CHN1: variants seen among roughly 807,000 people sequenced by gnomAD.
CHN1 encodes N-chimaerin.
Under a neutral mutation model 59.5 loss-of-function variants are expected in CHN1, and 37 were observed. The observed-to-expected ratio is 0.62, with a 90% CI of 0.48 to 0.82. The LOEUF (loss-of-function observed/expected upper bound fraction) is 0.82. Among genes scored for constraint, CHN1 ranks in the 40% least tolerant of loss-of-function variants. The pLI is 0.00. For synonymous variants in CHN1, 206 were observed against 200.4 expected, an observed-to-expected ratio of 1.03 and a Z score of -0.24; for missense variants, 469 against 571.0, an observed-to-expected ratio of 0.82 and a Z score of 1.82.
intron 2 of CHN1, among the ~76,000 whole-genome samples, chr2:174,948,903 T>G (rs1654251281): frequency 6.6e-6 from 1 of 152,208 alleles, no homozygotes; most frequent in Non-Finnish European, 1.5e-5. Flanking sequence ...CATTACAGTT[T>G]GTCGGTCCCA....
chr2:174,854,600 T>C (rs1401131110), intron 6 of CHN1, among the ~76,000 whole-genome samples: 1 of 152,220 alleles, frequency 6.6e-6, no homozygotes, highest in African/African-American at 2.4e-5. Context: ...CTATGGCACC[T>C]CCTTGGTCAA....
chr2:174,910,090 C>T (rs1558977633), intron 5 of CHN1, among the ~76,000 whole-genome samples: 1 of 152,044 alleles, frequency 6.6e-6, no homozygotes, highest in Admixed American at 6.6e-5. Flanking sequence ...AATCTTAATT[C>T]CTTATTCTCT....
chr2:174,973,592 T>A (rs1690827614), intron 1 of CHN1, among the ~76,000 whole-genome samples: 1 of 152,216 alleles, frequency 6.6e-6, no homozygotes, highest in African/African-American at 2.4e-5. Flanking sequence ...ACTTCACTTC[T>A]GGGTGCTCAG....
intron 5 of CHN1, among the ~76,000 whole-genome samples, chr2:174,889,570 G>C (rs974362513): frequency 6.6e-6 from 1 of 151,976 alleles, no homozygotes; most frequent in Non-Finnish European, 1.5e-5. Flanking sequence ...TATAGCTGAA[G>C]AATACAATAA....
chr2:174,914,799 C>T (rs1023756324), intron 5 of CHN1, among the ~76,000 whole-genome samples: 16 of 142,042 alleles, frequency 1.1e-4, no homozygotes, highest in Admixed American at 4.6e-4. Context: ...GAGCCGAGAT[C>T]GTGCCACTGC....
At chr2:174,944,756 A>G (rs1392493668) in intron 3 of CHN1, 132 bp downstream of exon 3, 3 of 615,556 alleles carry the variant, frequency 4.9e-6, no homozygotes, top group Non-Finnish European at 8.5e-6. Flanking sequence ...AAATGTATTC[A>G]AGTTATAATT....
At chr2:174,946,605 G>T (rs531732544) in intron 2 of CHN1, among the ~76,000 whole-genome samples, 1 of 152,028 alleles carries the variant, frequency 6.6e-6, no homozygotes, top group Non-Finnish European at 1.5e-5. Flanking sequence ...TATTGTTACA[G>T]AGATGACAAA....
intron 10 of CHN1, 79 bp from the exon 11 acceptor site, chr2:174,809,121 A>C: frequency 7.9e-7 from 1 of 1,265,488 alleles, no homozygotes; most frequent in Non-Finnish European, 1.1e-6. Flanking sequence ...ATCTGTATAC[A>C]AATCAGATTT....
At chr2:174,817,989 T>C (rs1418634307) in intron 8 of CHN1, among the ~76,000 whole-genome samples, 2 of 152,088 alleles carry the variant, frequency 1.3e-5, no homozygotes, top group African/African-American at 4.8e-5. Flanking sequence ...GCCAGGCTGG[T>C]ATTGAACTCC....
chr2:174,888,626 C>G (rs529268550), intron 5 of CHN1, among the ~76,000 whole-genome samples: 1 of 152,152 alleles, frequency 6.6e-6, no homozygotes, highest in South Asian at 2.1e-4. Flanking sequence ...AATGCAAAGC[C>G]CAGAAGGAGG....
chr2:174,999,169 A>T (rs918553441), intron 1 of CHN1, among the ~76,000 whole-genome samples: 19 of 151,832 alleles, frequency 1.3e-4, no homozygotes, highest in African/African-American at 1.7e-4. Flanking sequence ...TATATTAATT[A>T]AAAAAAATCA....
At chr2:174,904,871 C>G (rs1341268914) in intron 5 of CHN1, among the ~76,000 whole-genome samples, 1 of 152,090 alleles carries the variant, frequency 6.6e-6, no homozygotes, top group Non-Finnish European at 1.5e-5. Context: ...GGTTACAAGA[C>G]AGCAAACCTG....
In CHN1 at chr2:174,801,735, G is replaced by C; in HGVS notation, c.1180C>G (p.Leu394Val). ...TTTAGATGTGCCATGAGGTACCGGA[G>C]GGTTTCGCAGTGAGCAGGTGGCAGT... ...KLLPPAHCET[L>V]RYLMAHLKRV... is the part of the protein sequence containing the mutation. Residue 394 changes from leucine (L) to valine (V), a missense_variant, in exon 12 of 13, where the codon CTC (leucine) becomes GTC (valine). Leu to Val is a conservative substitution (Grantham distance 32, BLOSUM62 1). Transcript: ENST00000409900. The C allele has an allele frequency of 6.2e-7, 1 of 1,613,388 alleles. No individual in the cohort carries two copies. The highest frequency in any genetic ancestry group is 8.5e-7 in the Non-Finnish European group (1 of 1,179,474).
At chr2:174,956,685 C>T (rs1184419411) in intron 1 of CHN1, among the ~76,000 whole-genome samples, 2 of 151,034 alleles carry the variant, frequency 1.3e-5, no homozygotes, top group African/African-American at 4.9e-5. Context: ...GCAGGGAGAA[C>T]TGCTTGAACC....
At position 174,799,994 on chromosome 2, in the gene CHN1, C is replaced by G; in HGVS notation, c.*122G>C. ...ACAAAAACAACAGAAAGTTCCTTCACTTTAATCTGGTTATATGCCCAAACC... is the reference window on the plus strand; with the variant it reads ...ACAAAAACAACAGAAAGTTCCTTCAGTTTAATCTGGTTATATGCCCAAACC... On this transcript the variant is annotated 3_prime_UTR_variant, in exon 13 of 13. Coordinates refer to ENST00000409900, the MANE Select transcript of CHN1 (RefSeq NM_001822.7). The G allele has an allele frequency of 1.0e-6, 1 of 956,530 alleles. No individual in the cohort carries two copies. Among genetic ancestry groups the G allele is most frequent in the Non-Finnish European group, 1.6e-6 (1 of 618,924 alleles). 59.3% of individuals were successfully genotyped at this position (956,530 alleles called of 1,614,324 possible).
chr2:174,859,490 T>C (rs1358606986), intron 6 of CHN1, among the ~76,000 whole-genome samples: 1 of 152,170 alleles, frequency 6.6e-6, no homozygotes, highest in Non-Finnish European at 1.5e-5. Flanking sequence ...TACTTCACAA[T>C]AATTTTAATT....
In CHN1 at chr2:174,812,803, A is replaced by C. The variant is rs1299129601; in HGVS notation, c.713-321T>G. Among the ~76,000 whole-genome samples the C allele has an allele frequency of 2.0e-5, 3 of 152,182 alleles. No individual in the cohort carries two copies. In the East Asian group the frequency reaches 5.8e-4, roughly 29 times the overall value. On this transcript the variant is annotated intron_variant, in intron 8 of 12. Transcript: ENST00000409900. ...AATATGTCAAATAGCCAAAAAAAAA[A>C]CCCATTTCTTTAAAGTTACATAAAA... is the stretch of plus-strand genomic sequence containing the variant.
chr2:174,840,402 G>C (rs1057011190), intron 7 of CHN1, among the ~76,000 whole-genome samples: 3 of 152,066 alleles, frequency 2.0e-5, no homozygotes, highest in Non-Finnish European at 4.4e-5. Flanking sequence ...CTGGGCTCAA[G>C]CAATCCTCCT....
intron 5 of CHN1, among the ~76,000 whole-genome samples, chr2:174,887,955 A>G (rs1270367575): frequency 6.6e-6 from 1 of 152,200 alleles, no homozygotes; most frequent in African/African-American, 2.4e-5. Context: ...TCTGCCCTGG[A>G]GGACCTTAGT....
Sources: gnomAD v4.1 joint callset for allele counts (sites outside exome capture counted in the v4.1 genomes callset) on GRCh38, gnomAD v4.1.1 for gene constraint, MANE v1.5 for transcripts, NCBI Gene and HGNC (gene_info 2026-07-23, HGNC 2026-07-21) for gene names.